The following KIF26B variants were observed in gnomAD, a reference collection of about 807,000 sequenced individuals.
KIF26B encodes the protein kinesin family member 26B.
A neutral mutation model predicts 151.2 loss-of-function variants in KIF26B; 63 were observed. The observed-to-expected ratio is 0.42, with a 90% CI of 0.34 to 0.51. KIF26B has a LOEUF of 0.51. Ranked by LOEUF, KIF26B falls within the 20% of genes least tolerant of loss-of-function variation. The pLI is 0.07. For synonymous variants in KIF26B, 1,357 were observed against 1,262.1 expected, an observed-to-expected ratio of 1.08 and a Z score of -1.59; for missense variants, 2,813 against 2,913.6, an observed-to-expected ratio of 0.97 and a Z score of 0.79.
intron 2 of KIF26B, among the ~76,000 whole-genome samples, chr1:245,330,194 C>T (rs182039666): frequency 6.6e-6 from 1 of 151,066 alleles, no homozygotes; most frequent in African/African-American, 2.4e-5. Flanking sequence ...GCACACAGGC[C>T]CACCTGGGCT....
intron 2 of KIF26B, among the ~76,000 whole-genome samples, chr1:245,208,097 C>T (rs2103541829): frequency 6.6e-6 from 1 of 152,318 alleles, no homozygotes; most frequent in East Asian, 1.9e-4. Context: ...CTCCTCAAAT[C>T]CGAATCTGAG....
intron 10 of KIF26B, among the ~76,000 whole-genome samples, chr1:245,648,758 G>C (rs990365324): frequency 6.6e-6 from 1 of 152,196 alleles, no homozygotes; most frequent in Non-Finnish European, 1.5e-5. Flanking sequence ...CCACTCACCA[G>C]TCCCTGCAGA....
chr1:245,552,125 GTGTGT>G lies in KIF26B; in HGVS notation c.1350+11176_1350+11180del, dbSNP rs1558211150. The stretch of plus-strand genomic sequence containing the variant: ...TCCAGAGAAACAGAACCAGCAGGGT[GTGTGT>G]GTGTGTGTGTGTGTGTGTGTGTGTG... On this transcript the variant is annotated intron_variant, in intron 5 of 14. Coordinates refer to ENST00000407071, the MANE Select transcript of KIF26B (RefSeq NM_018012.4). Among the ~76,000 whole-genome samples, 3 of 56,232 alleles carry G rather than the reference GTGTGT, an allele frequency of 5.3e-5. No homozygotes were observed. In the East Asian group the frequency reaches 1.8e-3, roughly 34 times the overall value. 36.9% of individuals were successfully genotyped at this position (56,232 alleles called of 152,430 possible).
chr1:245,481,414 T>C (rs1169531240), intron 4 of KIF26B, among the ~76,000 whole-genome samples: 2 of 151,826 alleles, frequency 1.3e-5, no homozygotes, highest in African/African-American at 4.8e-5. Flanking sequence ...AAAAGGACAA[T>C]ATAAAATATC....
At chr1:245,534,837 C>T (rs1377800748) in intron 4 of KIF26B, among the ~76,000 whole-genome samples, 1 of 150,184 alleles carries the variant, frequency 6.7e-6, no homozygotes, top group East Asian at 2.0e-4. Context: ...GGCTGGAGTG[C>T]AGCAGCACGA....
intron 9 of KIF26B, among the ~76,000 whole-genome samples, chr1:245,625,510 A>C (rs2043714632): frequency 1.3e-5 from 2 of 152,270 alleles, no homozygotes; most frequent in Non-Finnish European, 2.9e-5. Context: ...TTTTATATTG[A>C]TATATAATTA....
intron 10 of KIF26B, 85 bp from the exon 11 acceptor site, chr1:245,684,148 T>C: frequency 1.4e-6 from 2 of 1,435,804 alleles, no homozygotes; most frequent in Non-Finnish European, 1.9e-6. Context: ...CACAACAAAA[T>C]GGCCGTGTGC....
chr1:245,302,720 G>A (rs1573762469), intron 2 of KIF26B, among the ~76,000 whole-genome samples: 2 of 152,108 alleles, frequency 1.3e-5, no homozygotes. Context: ...GCGGGGTGCG[G>A]TGGCTCACAC....
At chr1:245,439,592 G>C (rs1659018531) in intron 4 of KIF26B, among the ~76,000 whole-genome samples, 2 of 151,976 alleles carry the variant, frequency 1.3e-5, no homozygotes, top group Non-Finnish European at 2.9e-5. Context: ...TCTCCAAATT[G>C]GTACACAAAT....
rs147732386 is a variant in KIF26B, at chr1:245,705,550, A to G, written c.*2944A>G. On this transcript the variant is annotated 3_prime_UTR_variant, in exon 15 of 15. Coordinates refer to ENST00000407071, the MANE Select transcript of KIF26B (RefSeq NM_018012.4). ...CCCAAGGAGGCAAGGGGGAATATCA[A>G]CGAACCCATTTCTATTTCATTACCC... The G allele has an allele frequency of 1.1e-4, 17 of 152,320 alleles. No homozygotes were observed. The East Asian group carries it at 2.1e-3, about 19-fold the overall frequency. The allele number at this position is 152,320 out of a possible 1,614,324, so 9.4% of individuals were successfully genotyped here.
chr1:245,556,272 CTCTTCT>C (rs67518239), intron 5 of KIF26B, among the ~76,000 whole-genome samples: 1 of 72,036 alleles, frequency 1.4e-5, no homozygotes, highest in East Asian at 3.6e-4. Context: ...CCTCCTCCTC[CTCTTCT>C]TCTTCTTCCT....
rs770404062 is a variant in KIF26B at position 245,244,030 on chromosome 1, C to G, written c.465+87347C>G. On this transcript the variant is annotated intron_variant, in intron 2 of 14. Transcript: ENST00000407071. The surrounding 1 kb of genome is among the most constrained non-coding windows in gnomAD (Gnocchi z 4.2). The stretch of plus-strand genomic sequence containing the variant: ...TCATGGCTCACTGCAGTCTCCAGCT[C>G]CTCACTCAAGCAATCCTCTTGCCTC... Among the ~76,000 whole-genome samples the G allele has an allele frequency of 6.6e-6, 1 of 152,122 alleles. No individual in the cohort carries two copies. The highest frequency in any genetic ancestry group is 1.5e-5 in the Non-Finnish European group (1 of 68,032).
chr1:245,421,616 A>G (rs2103037047), intron 4 of KIF26B, among the ~76,000 whole-genome samples: 1 of 152,294 alleles, frequency 6.6e-6, no homozygotes, highest in African/African-American at 2.4e-5. Context: ...ATTCTTTGAA[A>G]GTGGAGTCTT....
chr1:245,275,664 A>G (rs1314803173), intron 2 of KIF26B, among the ~76,000 whole-genome samples: 5 of 152,178 alleles, frequency 3.3e-5, no homozygotes, highest in South Asian at 2.1e-4. Flanking sequence ...TAATCTGTAT[A>G]CCAGAATTAA....
chr1:245,634,257 A>G (rs2043811680), intron 9 of KIF26B, among the ~76,000 whole-genome samples: 1 of 152,210 alleles, frequency 6.6e-6, no homozygotes, highest in Non-Finnish European at 1.5e-5. Flanking sequence ...AGATTTTTCT[A>G]TAGGTGACTA....
chr1:245,628,834 T>C (rs964665716), intron 9 of KIF26B, among the ~76,000 whole-genome samples: 2 of 152,204 alleles, frequency 1.3e-5, no homozygotes, highest in African/African-American at 2.4e-5. Context: ...GTTGACCTGA[T>C]TCTATATTTA....
chr1:245,596,161 A>T (rs756854381), intron 5 of KIF26B, among the ~76,000 whole-genome samples: 38 of 152,030 alleles, frequency 2.5e-4, no homozygotes, highest in Non-Finnish European at 4.7e-4. Flanking sequence ...TATTTCCTTC[A>T]GTTCTGCTCT....
chr1:245,693,553 G>C (rs1412843978), intron 12 of KIF26B, among the ~76,000 whole-genome samples: 1 of 152,148 alleles, frequency 6.6e-6, no homozygotes, highest in Non-Finnish European at 1.5e-5. Context: ...CTGCTACTTT[G>C]TCATTCTAAG....
In KIF26B at chr1:245,540,757, T is replaced by G. The variant is rs1197876254; in HGVS notation, c.1167-10T>G. The G allele has an allele frequency of 6.2e-7, 1 of 1,612,740 alleles. No individual in the cohort carries two copies. The highest frequency in any genetic ancestry group is 1.1e-5 in the South Asian group (1 of 91,058). Reference sequence around the variant, plus strand: ...TCATTTTCCCCTTATTGTTCCTTTTTCCACTCCAGAGCTGCCCAGAAGTTA... The same window carrying G: ...TCATTTTCCCCTTATTGTTCCTTTTGCCACTCCAGAGCTGCCCAGAAGTTA... On this transcript the variant is annotated splice_polypyrimidine_tract_variant and intron_variant, in intron 4 of 14. Transcript: ENST00000407071. This position sits in a 1 kb window ranked among gnomAD's most constrained non-coding sequence, Gnocchi z 4.6.
Sources: allele counts gnomAD v4.1 joint callset (sites outside exome capture counted in the v4.1 genomes callset), GRCh38; gene constraint gnomAD v4.1.1; non-coding constraint Gnocchi (gnomAD v3.1); transcripts MANE v1.5; gene names NCBI Gene and HGNC (gene_info 2026-07-23, HGNC 2026-07-21).